ANO10: variants seen among roughly 807,000 people sequenced by gnomAD.
ANO10 encodes the protein anoctamin 10.
A neutral mutation model predicts 74.7 loss-of-function variants in ANO10; 77 were observed. The observed-to-expected ratio is 1.03, with a 90% CI of 0.86 to 1.25. The LOEUF is 1.25. Ranked by LOEUF, ANO10 falls within the 50% of genes most tolerant of loss-of-function variation. ANO10 has a pLI of 0.00. For synonymous variants in ANO10, 279 were observed against 284.9 expected (o/e 0.98, Z 0.21); for missense variants, 721 against 778.1 (o/e 0.93, Z 0.87).
chr3:43,463,871 C>T (rs562755778), intron 11 of ANO10, among the ~76,000 whole-genome samples: 1 of 152,290 alleles, frequency 6.6e-6, no homozygotes, highest in South Asian at 2.1e-4. Context: ...TTACCCAAAT[C>T]TCATCTTGAA....
In ANO10 at chr3:43,366,752, A is replaced by G. The variant is rs1354487534; in HGVS notation, c.*154T>C. The stretch of plus-strand genomic sequence containing the variant: ...GAGCCAAGCCACTGCGAAACTGAGA[A>G]GGGTGCTTGCCACATGGGAGCCACT... On this transcript the variant is annotated 3_prime_UTR_variant, in exon 13 of 13. Transcript: ENST00000292246. 4.0e-6 allele frequency: 3 copies of G among 755,068 alleles called. No homozygotes were observed. Among genetic ancestry groups the G allele is most frequent in the Non-Finnish European group, 6.9e-6 (3 of 437,926 alleles). 46.8% of individuals were successfully genotyped at this position (755,068 alleles called of 1,614,324 possible).
chr3:43,485,423 C>T (rs968614237), intron 11 of ANO10, among the ~76,000 whole-genome samples: 1 of 152,164 alleles, frequency 6.6e-6, no homozygotes. Flanking sequence ...TGTCCTAATC[C>T]AGCTCAACAC....
intron 12 of ANO10, among the ~76,000 whole-genome samples, chr3:43,410,105 T>C (rs147216011): frequency 6.6e-6 from 1 of 152,194 alleles, no homozygotes; most frequent in African/African-American, 2.4e-5. Flanking sequence ...TTTGTGAGAT[T>C]ACCTTTTTCT....
rs184935604 is a variant in ANO10 at position 43,445,017 on chromosome 3, G to A, written c.1798-12290C>T. ...AGGTGCCTATAGTCCCAGCTACTCC[G>A]TGGGCTGAGGCAGGAAAATGGCATG... On this transcript the variant is annotated intron_variant, in intron 11 of 12. Transcript: ENST00000292246. Among the ~76,000 whole-genome samples the A allele has an allele frequency of 3.3e-3, 507 of 151,506 alleles. 1 individual carries two copies. Among genetic ancestry groups the A allele is most frequent in the Middle Eastern group, 6.8e-3 (2 of 294 alleles).
intron 11 of ANO10, among the ~76,000 whole-genome samples, chr3:43,515,301 C>T (rs2149196005): frequency 6.6e-6 from 1 of 152,278 alleles, no homozygotes; most frequent in East Asian, 1.9e-4. Flanking sequence ...GTGGGTGAGC[C>T]TCATCCAATC....
At position 43,577,146 on chromosome 3, in the gene ANO10, C is replaced by T; in HGVS notation, c.708G>A (p.Val236=). 1 of 1,614,174 alleles carries T rather than the reference C, an allele frequency of 6.2e-7. No individual in the cohort carries two copies. Among genetic ancestry groups the T allele is most frequent in the Non-Finnish European group, 8.5e-7 (1 of 1,180,030 alleles). ...AVIGLPYYLF[V]WEDYDKYVIF... ...TCACGTACTTGTCATAGTCTTCCCA[C>T]ACAAACAAGTAGTAAGGTAACCCAA... The change falls in exon 6 of 13, where the codon GTG becomes GTA. Residue 236 remains valine, a synonymous_variant. Transcript: ENST00000292246.
chr3:43,657,927 A>C (rs919020035), intron 1 of ANO10, among the ~76,000 whole-genome samples: 1 of 152,176 alleles, frequency 6.6e-6, no homozygotes, highest in Non-Finnish European at 1.5e-5. Flanking sequence ...TATAGCCCTT[A>C]ATTCTTTCTT....
chr3:43,682,119 C>CA (rs1309146265), intron 1 of ANO10, among the ~76,000 whole-genome samples: 2 of 152,154 alleles, frequency 1.3e-5, no homozygotes, highest in East Asian at 1.9e-4. Context: ...AAAAACCCTT[C>CA]AAAAAATCAA....
intron 11 of ANO10, among the ~76,000 whole-genome samples, chr3:43,506,067 T>C (rs1323075897): frequency 2.0e-5 from 3 of 152,218 alleles, no homozygotes; most frequent in Non-Finnish European, 1.5e-5. Context: ...TTGGAATAAG[T>C]ACACTTTAAT....
rs548377883 is a variant in ANO10 at position 43,572,547 on chromosome 3, T to C, written c.1218+2262A>G. Among the ~76,000 whole-genome samples the C allele has an allele frequency of 2.0e-5, 3 of 152,202 alleles. No homozygotes were observed. The South Asian group carries it at 6.2e-4, about 32-fold the overall frequency. On this transcript the variant is annotated intron_variant, in intron 7 of 12. Coordinates refer to ENST00000292246, the MANE Select transcript of ANO10 (RefSeq NM_018075.5). ...AACAACCAGTCTGGCCTGGGAAGCA[T>C]CTTTGTCACCATAAGCATGAACTCC...
At chr3:43,612,886 G>A (rs537971455) in intron 1 of ANO10, among the ~76,000 whole-genome samples, 7 of 152,188 alleles carry the variant, frequency 4.6e-5, no homozygotes, top group South Asian at 4.2e-4. Flanking sequence ...TTATACTCCC[G>A]GCTGGGCACG....
chr3:43,439,534 T>C (rs1180186408), intron 11 of ANO10, among the ~76,000 whole-genome samples: 3 of 152,008 alleles, frequency 2.0e-5, no homozygotes, highest in Admixed American at 6.6e-5. Context: ...TTAATTCTAG[T>C]ATACACTTTA....
At chr3:43,653,134 C>T (rs1315518624) in intron 1 of ANO10, 2 of 152,036 alleles carry the variant, frequency 1.3e-5, no homozygotes, top group Non-Finnish European at 2.9e-5. Context: ...TCACTTGAAC[C>T]CGGGAGGTAC....
intron 11 of ANO10, among the ~76,000 whole-genome samples, chr3:43,540,033 T>C (rs1212791237): frequency 6.6e-6 from 1 of 152,194 alleles, no homozygotes; most frequent in African/African-American, 2.4e-5. Context: ...CCAAGGGCAT[T>C]GGGTTTTTCA....
intron 12 of ANO10, among the ~76,000 whole-genome samples, chr3:43,373,936 C>T (rs1265967987): frequency 6.6e-6 from 1 of 152,222 alleles, no homozygotes; most frequent in East Asian, 1.9e-4. Flanking sequence ...GGCTGCTCAT[C>T]GCCTCTGTCC....
intron 1 of ANO10, chr3:43,637,841 A>G (rs1428237222): frequency 1.3e-5 from 2 of 152,204 alleles, no homozygotes; most frequent in African/African-American, 4.8e-5. Flanking sequence ...TAAATCAGAA[A>G]GTTGTCATTT....
At chr3:43,565,989 G>A (rs1050696335) in intron 7 of ANO10, among the ~76,000 whole-genome samples, 2 of 152,144 alleles carry the variant, frequency 1.3e-5, no homozygotes, top group East Asian at 1.9e-4. Context: ...CACCGTGTGC[G>A]AGCCGAAGCA....
At chr3:43,372,798 T>G (rs1425192912) in intron 12 of ANO10, 13 of 1,530,206 alleles carry the variant, frequency 8.5e-6, no homozygotes, top group Non-Finnish European at 1.1e-5. Flanking sequence ...TGGCACTGAG[T>G]TGGTGCTCCA....
In ANO10 at chr3:43,580,849, A is replaced by G. The variant is rs562553282; in HGVS notation, c.473-377T>C. Among the ~76,000 whole-genome samples, 46 of 152,142 alleles carry G rather than the reference A, an allele frequency of 3.0e-4. 1 individual carries two copies. The South Asian group carries it at 9.1e-3, about 30-fold the overall frequency. ...AAAATAAAATCATTTTATACACACT[A>G]TGTTGTTTCATAATCTTTTCTCATG... On this transcript the variant is annotated intron_variant, in intron 4 of 12. Coordinates refer to ENST00000292246, the MANE Select transcript of ANO10 (RefSeq NM_018075.5).
Sources: gnomAD v4.1 joint callset for allele counts (sites outside exome capture counted in the v4.1 genomes callset) on GRCh38, gnomAD v4.1.1 for gene constraint, MANE v1.5 for transcripts, NCBI Gene and HGNC (gene_info 2026-07-23, HGNC 2026-07-21) for gene names.